The following NBDY variants were observed in gnomAD, a reference collection of about 807,000 sequenced individuals.
NBDY encodes P-body dissociating protein.
intron 2 of NBDY, among the ~76,000 whole-genome samples, chrX:56,797,580 AC>A (rs916947239): frequency 9.9e-5 from 11 of 111,015 alleles, no homozygotes; most frequent in Non-Finnish European, 1.3e-4. Context: ...TGTACCTAGT[AC>A]CTTATAGCCC....
chrX:56,793,125 C>T (rs986606774), intron 2 of NBDY, among the ~76,000 whole-genome samples: 1 of 111,970 alleles, frequency 8.9e-6, no homozygotes, highest in Non-Finnish European at 1.9e-5. Flanking sequence ...ATTCTGGTGA[C>T]CTCCATGTGC....
At chrX:56,805,601 G>A (rs964416500) in intron 2 of NBDY, among the ~76,000 whole-genome samples, 3 of 111,831 alleles carry the variant, frequency 2.7e-5, no homozygotes, top group Non-Finnish European at 3.8e-5. Flanking sequence ...GGGCAGTGGG[G>A]ACCAGGGCAG....
intron 2 of NBDY, among the ~76,000 whole-genome samples, chrX:56,750,203 G>A (rs190683517): frequency 3.6e-5 from 4 of 111,328 alleles, no homozygotes; most frequent in African/African-American, 1.3e-4. Context: ...TTGTGGAAGA[G>A]GTTACCATAG....
At chrX:56,736,150 C>A (rs1470803167) in intron 2 of NBDY, among the ~76,000 whole-genome samples, 1 of 112,163 alleles carries the variant, frequency 8.9e-6, no homozygotes, top group Non-Finnish European at 1.9e-5. Flanking sequence ...CCTGGAAAAC[C>A]AGGGAGGCTG....
chrX:56,747,807 G>A (rs1035131183), intron 2 of NBDY, among the ~76,000 whole-genome samples: 2 of 111,879 alleles, frequency 1.8e-5, no homozygotes, highest in Admixed American at 1.9e-4. Context: ...TGGTAGTTGG[G>A]ATGGAGCACA....
intron 2 of NBDY, among the ~76,000 whole-genome samples, chrX:56,760,013 T>C (rs2069630194): frequency 8.9e-6 from 1 of 112,664 alleles, no homozygotes; most frequent in Non-Finnish European, 1.9e-5. Context: ...GCCCAGTGGC[T>C]TCCCTTATGC....
intron 1 of NBDY, among the ~76,000 whole-genome samples, chrX:56,730,378 G>T (rs1291440206): frequency 2.8e-5 from 3 of 106,877 alleles, no homozygotes; most frequent in Non-Finnish European, 3.9e-5. Context: ...AGGCGTGATG[G>T]TGGACGCCTG....
At chrX:56,734,411 A>G (rs1470624436) in intron 2 of NBDY, among the ~76,000 whole-genome samples, 1 of 112,449 alleles carries the variant, frequency 8.9e-6, no homozygotes, top group South Asian at 3.7e-4. Context: ...AACAGAACAT[A>G]GACCACTTCA....
At chrX:56,783,996 A>G (rs1347555997) in intron 2 of NBDY, among the ~76,000 whole-genome samples, 1 of 111,782 alleles carries the variant, frequency 8.9e-6, no homozygotes, top group East Asian at 2.8e-4. Flanking sequence ...CAGGGGTCCC[A>G]GTGAACCAGA....
chrX:56,729,985 A>T (rs2069448765), intron 1 of NBDY, among the ~76,000 whole-genome samples: 1 of 109,387 alleles, frequency 9.1e-6, no homozygotes, highest in African/African-American at 3.3e-5. Context: ...GCATTGGAAA[A>T]TTTTTTTGTT....
chrX:56,810,308 G>A (rs1419752722), intron 2 of NBDY, among the ~76,000 whole-genome samples: 1 of 111,283 alleles, frequency 9.0e-6, no homozygotes, highest in African/African-American at 3.3e-5. Flanking sequence ...TTGCTAGATT[G>A]GGGAAGTTCT....
At chrX:56,787,056 C>G (rs766953429) in intron 2 of NBDY, among the ~76,000 whole-genome samples, 2 of 111,139 alleles carry the variant, frequency 1.8e-5, no homozygotes, top group African/African-American at 6.6e-5. Context: ...AAGTTGTCAT[C>G]TCTCTCCTTT....
chrX:56,737,061 A>G (rs1248520354), intron 2 of NBDY, among the ~76,000 whole-genome samples: 2 of 112,221 alleles, frequency 1.8e-5, no homozygotes, highest in African/African-American at 3.2e-5. Context: ...GAAAATTTGG[A>G]AAAAAATTTA....
chrX:56,733,184 GA>G (rs1175939500), intron 2 of NBDY, among the ~76,000 whole-genome samples: 1 of 106,590 alleles, frequency 9.4e-6, no homozygotes. Context: ...TTTCTCTTAT[GA>G]TTTTTTTGAC....
At chrX:56,794,199 G>A (rs1037988537) in intron 2 of NBDY, among the ~76,000 whole-genome samples, 3 of 111,686 alleles carry the variant, frequency 2.7e-5, no homozygotes, top group Non-Finnish European at 3.8e-5. Flanking sequence ...GGAAACCCTG[G>A]CTCAGGCAGA....
chrX:56,751,827 T>G (rs1287983136), intron 2 of NBDY, among the ~76,000 whole-genome samples: 1 of 112,480 alleles, frequency 8.9e-6, no homozygotes, highest in Non-Finnish European at 1.9e-5. Flanking sequence ...GCAGGTTTAT[T>G]ACATGGATGT....
chrX:56,753,119 A>G (rs1435718775), intron 2 of NBDY, among the ~76,000 whole-genome samples: 2 of 112,560 alleles, frequency 1.8e-5, no homozygotes, highest in Non-Finnish European at 1.9e-5. Flanking sequence ...TATTCAGTCA[A>G]CACTTACTGA....
chrX:56,795,920 C>A (rs979534816), intron 2 of NBDY, among the ~76,000 whole-genome samples: 9 of 111,618 alleles, frequency 8.1e-5, no homozygotes, highest in Non-Finnish European at 1.3e-4. Context: ...AACTTTTAAC[C>A]CCCATTATGT....
In NBDY at chrX:56,759,281, G is replaced by T. The variant is rs1030800102; in HGVS notation, c.*166+27082G>T. ...GCAGCCCTATGATCCCAGTCCACCT[G>T]TGGTGTCCCAGTGGCCATGATTATG... On this transcript the variant is annotated intron_variant, in intron 2 of 2. Coordinates refer to ENST00000374922, the MANE Select transcript of NBDY (RefSeq NM_001348129.2). Among the ~76,000 whole-genome samples the T allele has an allele frequency of 3.1e-4, 35 of 112,087 alleles. No homozygotes were observed. In the Admixed American group the frequency reaches 3.3e-3, roughly 11 times the overall value.
Sources: gnomAD v4.1 joint callset for allele counts (sites outside exome capture counted in the v4.1 genomes callset) on GRCh38, gnomAD v4.1.1 for gene constraint, MANE v1.5 for transcripts, NCBI Gene and HGNC (gene_info 2026-07-23, HGNC 2026-07-21) for gene names.